NRG2: variants seen among roughly 807,000 people sequenced by gnomAD.
The protein encoded by NRG2 is pro-neuregulin-2, membrane-bound isoform.
NRG2 carries 27 observed loss-of-function variants against 73.9 expected under a neutral mutation model. The ratio of observed to expected loss-of-function variants is 0.37; its 90% CI spans 0.27 to 0.50. NRG2 has a LOEUF of 0.50. NRG2 is among the 20% of genes least tolerant of loss of function. The pLI, the probability that NRG2 is intolerant of heterozygous loss-of-function variation, is 0.96. For missense variants in NRG2, 1,126 were observed against 1,210.1 expected, an observed-to-expected ratio of 0.93 and a Z score of 1.03; for synonymous variants, 532 against 541.0, an observed-to-expected ratio of 0.98 and a Z score of 0.23.
intron 1 of NRG2, among the ~76,000 whole-genome samples, chr5:139,900,388 T>C (rs994088893): frequency 1.3e-5 from 2 of 152,226 alleles, no homozygotes; most frequent in Non-Finnish European, 2.9e-5. Context: ...TTTATGTAGT[T>C]ACCATGTGGC....
chr5:139,935,260 C>A (rs565303710), intron 1 of NRG2, among the ~76,000 whole-genome samples: 14 of 152,294 alleles, frequency 9.2e-5, no homozygotes, highest in African/African-American at 2.9e-4. Context: ...GAGAAATAGA[C>A]AAACTCACTA....
chr5:139,972,372 G>A (rs1454333276), intron 1 of NRG2, among the ~76,000 whole-genome samples: 2 of 152,210 alleles, frequency 1.3e-5, no homozygotes, highest in East Asian at 3.9e-4. Context: ...TCAAGAAGTA[G>A]ACCAAAAAGA....
chr5:140,023,799 G>A (rs1376386068), intron 1 of NRG2, among the ~76,000 whole-genome samples: 3 of 152,154 alleles, frequency 2.0e-5, no homozygotes, highest in Non-Finnish European at 2.9e-5. Context: ...ATTTGCTATA[G>A]CCAAAAAGCC....
At chr5:139,971,319 G>A (rs1228526527) in intron 1 of NRG2, among the ~76,000 whole-genome samples, 1 of 152,158 alleles carries the variant, frequency 6.6e-6, no homozygotes, top group African/African-American at 2.4e-5. Context: ...CATCTTCCTG[G>A]CATCCAAACA....
chr5:139,853,125 C>T lies in NRG2; in HGVS notation c.1293-98G>A. ...CTAGGGAAACAGCTTTTCCTCCTGC[C>T]CAGGGTGGCCATGGCTACTGCTCGT... On this transcript the variant is annotated intron_variant, in intron 6 of 9. Coordinates refer to ENST00000361474, the MANE Select transcript of NRG2 (RefSeq NM_004883.3). This position sits in a 1 kb window ranked among gnomAD's most constrained non-coding sequence, Gnocchi z 4.1. The T allele has an allele frequency of 1.3e-6, 2 of 1,537,896 alleles. No homozygotes were observed. Among genetic ancestry groups the T allele is most frequent in the South Asian group, 1.2e-5 (1 of 80,796 alleles).
intron 5 of NRG2, among the ~76,000 whole-genome samples, chr5:139,860,426 C>A (rs1330233067): frequency 1.3e-5 from 2 of 151,696 alleles, no homozygotes; most frequent in Admixed American, 6.6e-5. Flanking sequence ...GGCCCCATGT[C>A]CCTGCTGTGC....
intron 1 of NRG2, among the ~76,000 whole-genome samples, chr5:139,930,679 T>C (rs1752409457): frequency 6.6e-6 from 1 of 152,142 alleles, no homozygotes; most frequent in South Asian, 2.1e-4. Context: ...TTGGCAAAAA[T>C]GGCTGAGGAA....
chr5:139,934,400 A>G (rs545179242), intron 1 of NRG2, among the ~76,000 whole-genome samples: 11 of 152,306 alleles, frequency 7.2e-5, no homozygotes, highest in East Asian at 3.9e-4. Flanking sequence ...GAGTTTTTAT[A>G]CTATACATAA....
intron 1 of NRG2, among the ~76,000 whole-genome samples, chr5:139,961,760 CA>C (rs1375195914): frequency 2.6e-5 from 4 of 152,188 alleles, no homozygotes; most frequent in Non-Finnish European, 5.9e-5. Flanking sequence ...GCTGGCAAAG[CA>C]AAAGCAGCTG....
intron 1 of NRG2, among the ~76,000 whole-genome samples, chr5:139,957,748 T>C (rs1754746176): frequency 6.6e-6 from 1 of 152,162 alleles, no homozygotes; most frequent in Non-Finnish European, 1.5e-5. Context: ...TCTTCCATGT[T>C]AGCACTAGCA....
At position 139,852,686 on chromosome 5, in the gene NRG2, C is replaced by G. The variant is rs1581768154; in HGVS notation, c.1417-127G>C. On this transcript the variant is annotated intron_variant, in intron 7 of 9. Transcript: ENST00000361474. The surrounding 1 kb of genome is among the most constrained non-coding windows in gnomAD (Gnocchi z 4.4). ...GGGGAGACCCACTGTGTGAGAGTGA[C>G]TTGATGTTGGGGCAGCGATGGCTCC... 8 of 1,460,616 alleles carry G rather than the reference C, an allele frequency of 5.5e-6. No homozygotes were observed. In the East Asian group the frequency reaches 1.8e-4, roughly 33 times the overall value. The allele number at this position is 1,460,616 out of a possible 1,614,324, so 90.5% of individuals were successfully genotyped here.
chr5:139,858,822 G>A (rs919171893), intron 5 of NRG2, among the ~76,000 whole-genome samples: 10 of 152,066 alleles, frequency 6.6e-5, no homozygotes, highest in East Asian at 1.9e-4. Context: ...GACCCCACAC[G>A]GACTCAATGC....
At position 139,894,678 on chromosome 5, in the gene NRG2, C is replaced by T. The variant is rs1415241238; in HGVS notation, c.701-7167G>A. ...CCAATGCCTGGGCTTGCTTTGCCCT[C>T]TTCTTACATCCATCCAACAAATACC... On this transcript the variant is annotated intron_variant, in intron 1 of 9. Coordinates refer to ENST00000361474, the MANE Select transcript of NRG2 (RefSeq NM_004883.3). This position sits in a 1 kb window ranked among gnomAD's most constrained non-coding sequence, Gnocchi z 5.0. 6.6e-6 allele frequency among the ~76,000 whole-genome samples: 1 copy of T among 152,184 alleles called. No homozygotes were observed. Among genetic ancestry groups the T allele is most frequent in the Non-Finnish European group, 1.5e-5 (1 of 68,024 alleles).
chr5:139,961,711 GCCCCCT>G (rs1327759613), intron 1 of NRG2, among the ~76,000 whole-genome samples: 1 of 152,164 alleles, frequency 6.6e-6, no homozygotes, highest in Non-Finnish European at 1.5e-5. Flanking sequence ...ATTGTGGTTG[GCCCCCT>G]GCTCCCTGCT....
At chr5:139,959,716 T>C in intron 1 of NRG2, among the ~76,000 whole-genome samples, 1 of 151,954 alleles carries the variant, frequency 6.6e-6, no homozygotes, top group East Asian at 1.9e-4. Context: ...TTTCGCCACA[T>C]TGGCCAGGCT....
At chr5:139,881,711 GCAAGGC>G (rs1413526067) in intron 2 of NRG2, among the ~76,000 whole-genome samples, 2 of 152,220 alleles carry the variant, frequency 1.3e-5, no homozygotes, top group East Asian at 1.9e-4. Context: ...AGGGCACTCG[GCAAGGC>G]AAAGGCAGAG....
In NRG2 at chr5:139,868,887, G is replaced by A. The variant is rs1447550615; in HGVS notation, c.1112+2834C>T. ...GTAGGGGCAGAGGGATGAGGGGGAT[G>A]AGCTGATGGGAAGGGGAGGCATGCC... On this transcript the variant is annotated intron_variant, in intron 4 of 9. Coordinates refer to ENST00000361474, the MANE Select transcript of NRG2 (RefSeq NM_004883.3). The surrounding 1 kb of genome is among the most constrained non-coding windows in gnomAD (Gnocchi z 4.2). Among the ~76,000 whole-genome samples the A allele has an allele frequency of 1.3e-5, 2 of 152,000 alleles. No homozygotes were observed. The highest frequency in any genetic ancestry group is 2.9e-5 in the Non-Finnish European group (2 of 67,974).
At chr5:139,899,170 T>C (rs1208357188) in intron 1 of NRG2, among the ~76,000 whole-genome samples, 1 of 152,202 alleles carries the variant, frequency 6.6e-6, no homozygotes. Flanking sequence ...TTAACACCTA[T>C]GGAACTGACA....
chr5:140,022,522 C>T (rs1760324347), intron 1 of NRG2, among the ~76,000 whole-genome samples: 1 of 152,190 alleles, frequency 6.6e-6, no homozygotes, highest in South Asian at 2.1e-4. Context: ...ATCCAATAAA[C>T]ATTTGATCTA....
Sources: allele counts gnomAD v4.1 joint callset (sites outside exome capture counted in the v4.1 genomes callset), GRCh38; gene constraint gnomAD v4.1.1; non-coding constraint Gnocchi (gnomAD v3.1); transcripts MANE v1.5; gene names NCBI Gene and HGNC (gene_info 2026-07-23, HGNC 2026-07-21).